Variants in EIF2AK3 observed in about 807,000 individuals in gnomAD.
EIF2AK3 encodes the protein eukaryotic translation initiation factor 2-alpha kinase 3.
In EIF2AK3, 50 loss-of-function variants were observed where a neutral mutation model predicts 113.5. The ratio of observed to expected loss-of-function variants is 0.44; its 90% CI spans 0.35 to 0.56. EIF2AK3 has a LOEUF of 0.56. EIF2AK3 is among the 20% of genes least tolerant of loss of function. EIF2AK3 has a pLI of 0.00. For missense variants in EIF2AK3, 1,185 were observed against 1,378.0 expected (o/e 0.86, Z 2.22); for synonymous variants, 448 against 495.4 (o/e 0.90, Z 1.27).
At chr2:88,608,049 G>A (rs189662461) in intron 2 of EIF2AK3, among the ~76,000 whole-genome samples, 1 of 152,276 alleles carries the variant, frequency 6.6e-6, no homozygotes, top group East Asian at 1.9e-4. Flanking sequence ...ATACCACACA[G>A]TCTAAAAAGT....
intron 12 of EIF2AK3, among the ~76,000 whole-genome samples, chr2:88,576,120 TAAC>T (rs761152757): frequency 6.6e-6 from 1 of 152,338 alleles, no homozygotes; most frequent in Non-Finnish European, 1.5e-5. Flanking sequence ...GAGAACTAAA[TAAC>T]AAACATTTTT....
At position 88,557,706 on chromosome 2, in the gene EIF2AK3, A is replaced by G; in HGVS notation, c.*30T>C. On this transcript the variant is annotated 3_prime_UTR_variant, in exon 17 of 17. Coordinates refer to ENST00000303236, the MANE Select transcript of EIF2AK3 (RefSeq NM_004836.7). ...TAAGAAGTAGGCTATTATCTGCATC[A>G]CCTATTAGGGTTGCTAGCACAACTT... 6.2e-7 allele frequency: 1 copy of G among 1,608,628 alleles called. No individual in the cohort carries two copies. Among genetic ancestry groups the G allele is most frequent in the Non-Finnish European group, 8.5e-7 (1 of 1,174,946 alleles).
intron 8 of EIF2AK3, 32 bp from the exon 9 acceptor site, chr2:88,586,093 A>T (rs1327256671): frequency 1.9e-6 from 3 of 1,565,444 alleles, no homozygotes; most frequent in Non-Finnish European, 2.6e-6. Context: ...CGTTTTTTTT[A>T]AAGGTAATCA....
intron 2 of EIF2AK3, among the ~76,000 whole-genome samples, chr2:88,605,059 T>C (rs1207248242): frequency 1.3e-5 from 2 of 152,178 alleles, no homozygotes; most frequent in African/African-American, 2.4e-5. Context: ...GCTATGTAAA[T>C]GACTAAGAAT....
chr2:88,625,323 AC>A (rs1675833534), intron 1 of EIF2AK3, among the ~76,000 whole-genome samples: 4 of 148,226 alleles, frequency 2.7e-5, no homozygotes, highest in Non-Finnish European at 6.0e-5. Context: ...ACACACACAC[AC>A]ACAGACATAC....
At chr2:88,627,469 C>T (rs886056421), upstream of EIF2AK3, 2 of 612,228 alleles carry the variant, frequency 3.3e-6, no homozygotes, top group Non-Finnish European at 4.9e-6. Context: ...CAGCCTATCT[C>T]GGACATCGCC....
chr2:88,596,627 A>C (rs1675028514), intron 2 of EIF2AK3, among the ~76,000 whole-genome samples: 3 of 152,152 alleles, frequency 2.0e-5, no homozygotes, highest in African/African-American at 4.8e-5. Context: ...CAGGCTTTGC[A>C]AAGGCTCTTA....
rs767719073 is a variant in EIF2AK3 at position 88,591,068 on chromosome 2, G to T, written c.768-16C>A. ...GAAATTCCACCTTAAATTTACAAAGGTGTGTTTTAGAAATTTACATTTAAA... is the reference window on the plus strand; with the variant it reads ...GAAATTCCACCTTAAATTTACAAAGTTGTGTTTTAGAAATTTACATTTAAA... On this transcript the variant is annotated splice_polypyrimidine_tract_variant and intron_variant, in intron 4 of 16. Transcript: ENST00000303236. The T allele has an allele frequency of 2.5e-6, 4 of 1,608,610 alleles. No homozygotes were observed. The highest frequency in any genetic ancestry group is 1.3e-5 in the African/African-American group (1 of 74,782).
intron 10 of EIF2AK3, 85 bp from the exon 11 acceptor site, chr2:88,579,725 A>G (rs1380656847): frequency 8.1e-7 from 1 of 1,241,428 alleles, no homozygotes; most frequent in Admixed American, 2.0e-5. Context: ...CTTATGACAC[A>G]TAAAAATGTA....
chr2:88,596,592 C>T (rs889289336), intron 2 of EIF2AK3, among the ~76,000 whole-genome samples: 21 of 152,018 alleles, frequency 1.4e-4, no homozygotes, highest in Admixed American at 8.5e-4. Flanking sequence ...AAAGTCTTAA[C>T]GTGAGAGAGT....
intron 4 of EIF2AK3, among the ~76,000 whole-genome samples, chr2:88,591,901 AC>A (rs779625315): frequency 6.6e-6 from 1 of 152,206 alleles, no homozygotes; most frequent in Non-Finnish European, 1.5e-5. Flanking sequence ...ACTTAAAAAA[AC>A]AAAATCCAGT....
intron 14 of EIF2AK3, among the ~76,000 whole-genome samples, chr2:88,563,011 TTAGTTGTTAAAATGAACA>T (rs1674007101): frequency 6.6e-6 from 1 of 152,234 alleles, no homozygotes; most frequent in Non-Finnish European, 1.5e-5. Context: ...CAATAAATAC[TTAGTTGTTAAAATGAACA>T]AATGAATTAC....
At chr2:88,558,052 C>T (rs377370017) in intron 16 of EIF2AK3, 116 bp from the exon 17 acceptor site, 7 of 1,087,880 alleles carry the variant, frequency 6.4e-6, no homozygotes, top group South Asian at 1.4e-5. Context: ...GAGCCATATT[C>T]GAGTTTTCAA....
chr2:88,620,436 T>C (rs971656898), intron 1 of EIF2AK3, among the ~76,000 whole-genome samples: 4 of 152,242 alleles, frequency 2.6e-5, no homozygotes, highest in African/African-American at 9.6e-5. Flanking sequence ...AATCAAAATA[T>C]TCAACATTTC....
At chr2:88,606,501 T>G (rs1386237742) in intron 2 of EIF2AK3, among the ~76,000 whole-genome samples, 3 of 152,312 alleles carry the variant, frequency 2.0e-5, no homozygotes, top group African/African-American at 4.8e-5. Context: ...TATTTAAATA[T>G]TGGCTTGCTA....
intron 16 of EIF2AK3, 129 bp downstream of exon 16, chr2:88,558,785 GAGC>G (rs1440499816): frequency 5.8e-6 from 4 of 692,862 alleles, no homozygotes; most frequent in Non-Finnish European, 9.6e-6. Context: ...GGGCTCTTGG[GAGC>G]AGGTCTCTTT....
intron 14 of EIF2AK3, among the ~76,000 whole-genome samples, chr2:88,570,336 A>C (rs918401116): frequency 6.6e-6 from 1 of 152,136 alleles, no homozygotes; most frequent in African/African-American, 2.4e-5. Context: ...TGCTCGCCTG[A>C]TGCTTCCAGG....
In EIF2AK3 at chr2:88,627,217, G is replaced by A. The variant is rs1390019809; in HGVS notation, c.58C>T (p.Leu20=). The A allele has an allele frequency of 6.4e-6, 4 of 624,332 alleles. No homozygotes were observed. The South Asian group carries it at 9.4e-5, about 15-fold the overall frequency. 38.7% of individuals were successfully genotyped at this position (624,332 alleles called of 1,614,324 possible). A position where few individuals can be genotyped will look rare whatever the true frequency, so the allele number is the denominator to read the frequency against. The stretch of plus-strand genomic sequence containing the variant: ...ACCGTCCTTGCCGCGAGCCCCAGCA[G>A]CAGCAGCAGCAGCAGCAGCGCCCGT... ...LVRALLLLLL[L]LGLAARTVAA... The change falls in exon 1 of 17, where the codon CTG becomes TTG. Residue 20 remains leucine (L), a synonymous_variant. Transcript: ENST00000303236.
chr2:88,575,683 G>A (rs1042749678), intron 12 of EIF2AK3: 1 of 523,880 alleles, frequency 1.9e-6, no homozygotes, highest in Non-Finnish European at 3.4e-6. Flanking sequence ...CAGTTACCTG[G>A]GACTGTCTGG....
Sources: allele counts gnomAD v4.1 joint callset (sites outside exome capture counted in the v4.1 genomes callset), GRCh38; gene constraint gnomAD v4.1.1; transcripts MANE v1.5; gene names NCBI Gene and HGNC (gene_info 2026-07-23, HGNC 2026-07-21).